The following PCDH7 variants were observed in gnomAD, a reference collection of about 807,000 sequenced individuals.
PCDH7 encodes protocadherin 7.
A neutral mutation model predicts 58.9 loss-of-function variants in PCDH7; 17 were observed. The observed-to-expected ratio is 0.29, with a 90% CI of 0.20 to 0.43. The LOEUF is 0.43. Among genes scored for constraint, PCDH7 ranks in the 20% least tolerant of loss-of-function variants. The pLI, the probability that PCDH7 is intolerant of heterozygous loss-of-function variation, is 1.00. For synonymous variants in PCDH7, 664 were observed against 616.4 expected, an observed-to-expected ratio of 1.08 and a Z score of -1.14; for missense variants, 1,274 against 1,441.0, an observed-to-expected ratio of 0.88 and a Z score of 1.88.
At chr4:31,119,848 G>A (rs141579089) in intron 3 of PCDH7, among the ~76,000 whole-genome samples, 6 of 152,068 alleles carry the variant, frequency 3.9e-5, no homozygotes, top group South Asian at 2.1e-4. Context: ...AAGGTCTTAC[G>A]CCAGTTAAAT....
chr4:30,969,791 T>TG (rs1450908878), intron 3 of PCDH7, among the ~76,000 whole-genome samples: 6 of 152,202 alleles, frequency 3.9e-5, no homozygotes, highest in Admixed American at 3.9e-4. Flanking sequence ...TTTTAAATAA[T>TG]GATAGTAGTT....
rs562733318 is a variant in PCDH7 at position 31,095,566 on chromosome 4, CA to C, written c.*8-46900del. ...GCAGTATAAAAAATTCATTTTTATTCAAAAAAATAATTTCAGTATAGATATT... is the reference window on the plus strand; with the variant it reads ...GCAGTATAAAAAATTCATTTTTATTCAAAAAATAATTTCAGTATAGATATT... On this transcript the variant is annotated intron_variant, in intron 3 of 3. Coordinates refer to the PCDH7 transcript ENST00000509759. Among the ~76,000 whole-genome samples, 51 of 151,706 alleles carry C rather than the reference CA, an allele frequency of 3.4e-4. No homozygotes were observed. The East Asian group carries it at 9.9e-3, about 29-fold the overall frequency.
chr4:31,009,421 A>G (rs1197328516), intron 3 of PCDH7, among the ~76,000 whole-genome samples: 1 of 152,032 alleles, frequency 6.6e-6, no homozygotes, highest in Non-Finnish European at 1.5e-5. Context: ...ATACATTCAC[A>G]TACACACAGA....
chr4:30,963,874 G>T (rs1748720311), intron 3 of PCDH7, among the ~76,000 whole-genome samples: 1 of 152,176 alleles, frequency 6.6e-6, no homozygotes, highest in African/African-American at 2.4e-5. Flanking sequence ...TGAGTCTGAT[G>T]GCTATTGGCA....
chr4:30,781,876 G>A (rs1038637073), intron 1 of PCDH7, among the ~76,000 whole-genome samples: 27 of 152,088 alleles, frequency 1.8e-4, no homozygotes, highest in African/African-American at 6.5e-4. Flanking sequence ...TGGTTGACTC[G>A]CTGACTAAAA....
intron 3 of PCDH7, among the ~76,000 whole-genome samples, chr4:31,105,061 G>T (rs1715377524): frequency 6.6e-6 from 1 of 152,088 alleles, no homozygotes. Flanking sequence ...CCCAAAGGAT[G>T]GCGCCTACCT....
intron 1 of PCDH7, among the ~76,000 whole-genome samples, chr4:30,832,635 T>C (rs143904043): frequency 5.9e-5 from 9 of 152,292 alleles, no homozygotes; most frequent in African/African-American, 2.2e-4. Flanking sequence ...TGTTTGTGCA[T>C]GCACTTGTGC....
intron 3 of PCDH7, among the ~76,000 whole-genome samples, chr4:30,984,775 T>C (rs557630261): frequency 6.6e-6 from 1 of 152,228 alleles, no homozygotes; most frequent in Non-Finnish European, 1.5e-5. Context: ...TCCAGTAGAA[T>C]GTGGCAAAGG....
intron 3 of PCDH7, among the ~76,000 whole-genome samples, chr4:31,002,812 A>G (rs932693702): frequency 6.6e-6 from 1 of 152,180 alleles, no homozygotes; most frequent in African/African-American, 2.4e-5. Context: ...ATATTTTGAC[A>G]TGTGCATTCC....
intron 3 of PCDH7, among the ~76,000 whole-genome samples, chr4:31,039,969 G>A (rs930723123): frequency 6.6e-6 from 1 of 152,158 alleles, no homozygotes; most frequent in South Asian, 2.1e-4. Flanking sequence ...TATGTGCGTA[G>A]ATACAAACAG....
At chr4:30,856,148 C>T (rs527737817) in intron 1 of PCDH7, among the ~76,000 whole-genome samples, 1 of 151,824 alleles carries the variant, frequency 6.6e-6, no homozygotes, top group East Asian at 1.9e-4. Flanking sequence ...TTTAGTTCAT[C>T]TGAGAGGATA....
intron 3 of PCDH7, among the ~76,000 whole-genome samples, chr4:30,979,763 G>C (rs1458400835): frequency 6.6e-6 from 1 of 151,810 alleles, no homozygotes; most frequent in East Asian, 1.9e-4. Flanking sequence ...TTACTGTTTT[G>C]TATCTCTCCC....
At chr4:30,888,011 G>A (rs1227350196) in intron 1 of PCDH7, among the ~76,000 whole-genome samples, 1 of 151,974 alleles carries the variant, frequency 6.6e-6, no homozygotes, top group Non-Finnish European at 1.5e-5. Flanking sequence ...GAGTAGCTGG[G>A]ACTACAGGCA....
In PCDH7 at chr4:30,722,609, C is replaced by A. The variant is rs764503274; in HGVS notation, c.1187C>A (p.Thr396Asn). 8.7e-6 allele frequency: 14 copies of A among 1,613,274 alleles called. No individual in the cohort carries two copies. In the East Asian group the frequency reaches 3.1e-4, roughly 36 times the overall value. The stretch of plus-strand genomic sequence containing the variant: ...CGCGACCGCGGGCAGCCCCCCAAGA[C>A]CGACAAGGCCACCGTGGTCCTTAAC... Residue 396 changes from threonine (T) to asparagine (N), a missense_variant, in exon 1 of 2, where the codon ACC becomes AAC. Thr to Asn is a moderately conservative substitution (Grantham distance 65). Around this residue, in one of 3 missense-constraint regions of PCDH7, gnomAD observed 731 missense variants for 881.9 expected, o/e 0.83. Transcript: ENST00000361762. This position sits in a 1 kb window ranked among gnomAD's most constrained non-coding sequence, Gnocchi z 7.6.
At chr4:31,115,377 AC>A (rs1716869287) in intron 3 of PCDH7, among the ~76,000 whole-genome samples, 1 of 152,102 alleles carries the variant, frequency 6.6e-6, no homozygotes, top group Admixed American at 6.6e-5. Flanking sequence ...AAGATATTCA[AC>A]TGAGGAAGAA....
intron 1 of PCDH7, among the ~76,000 whole-genome samples, chr4:30,898,524 G>C (rs1329512875): frequency 6.6e-6 from 1 of 152,170 alleles, no homozygotes; most frequent in Non-Finnish European, 1.5e-5. Flanking sequence ...TAGATTGCTT[G>C]TAAAAGGCAC....
At chr4:31,142,671 T>A in exon 4 of PCDH7, 12 of 1,367,748 alleles carry the variant, frequency 8.8e-6, no homozygotes, top group Non-Finnish European at 1.1e-5. Context: ...GCCGCCATCA[T>A]GGGTGACCGC....
At chr4:30,918,165 C>G (rs1341217311) in intron 1 of PCDH7, among the ~76,000 whole-genome samples, 1 of 152,030 alleles carries the variant, frequency 6.6e-6, no homozygotes. Context: ...TCTGCATGAC[C>G]CTTGGCATTC....
intron 3 of PCDH7, among the ~76,000 whole-genome samples, chr4:31,082,820 G>A (rs1278223505): frequency 6.6e-6 from 1 of 152,150 alleles, no homozygotes; most frequent in East Asian, 1.9e-4. Flanking sequence ...ACACATTAAG[G>A]GCCGGGCACG....
Sources: allele counts gnomAD v4.1 joint callset (sites outside exome capture counted in the v4.1 genomes callset), GRCh38; gene constraint gnomAD v4.1.1; regional missense constraint gnomAD v4.1.1; non-coding constraint Gnocchi (gnomAD v3.1); transcripts MANE v1.5; gene names NCBI Gene and HGNC (gene_info 2026-07-23, HGNC 2026-07-21).